HYDIN: variants seen among roughly 807,000 people sequenced by gnomAD.
The protein encoded by HYDIN is axonemal central pair apparatus protein HYDIN.
Under a neutral mutation model 403.9 loss-of-function variants are expected in HYDIN, and 132 were observed. The observed-to-expected ratio is 0.33, with a 90% CI of 0.28 to 0.38. HYDIN has a LOEUF of 0.38. HYDIN is among the 10% of genes least tolerant of loss of function. The pLI, the probability that HYDIN is intolerant of heterozygous loss-of-function variation, is 1.00. For missense variants in HYDIN, 2,827 were observed against 5,009.5 expected (o/e 0.56, Z 13.15); for synonymous variants, 1,202 against 1,891.7 (o/e 0.64, Z 9.46).
rs2037723676 is a variant in HYDIN, at chr16:70,840,232, A to G, written c.12875T>C (p.Ile4292Thr). The G allele has an allele frequency of 1.2e-6, 1 of 816,886 alleles. No homozygotes were observed. The highest frequency in any genetic ancestry group is 1.9e-6 in the Non-Finnish European group (1 of 523,032). The allele number at this position is 816,886 out of a possible 1,614,324, so 50.6% of individuals were successfully genotyped here. ...VLTDLELIIK[I>T]SHGPTFMCNI... ...GCACATAAATGTTGGACCATGGCTG[A>G]TCTGTGAGGAGGAAATGGCAGGGGG... is the stretch of plus-strand genomic sequence containing the variant. The change falls in exon 76 of 86, where the codon ATC becomes ACC. Residue 4292 changes from isoleucine to threonine, a missense_variant and splice_region_variant. Transcript: ENST00000393567.
At chr16:71,136,876 T>C (rs2084945099) in intron 8 of HYDIN, among the ~76,000 whole-genome samples, 1 of 144,698 alleles carries the variant, frequency 6.9e-6, no homozygotes, top group African/African-American at 2.6e-5. Flanking sequence ...TGAAGAATGA[T>C]AGGTTTTGTC....
chr16:71,096,383 A>G (rs938901452), intron 10 of HYDIN, among the ~76,000 whole-genome samples: 2 of 152,214 alleles, frequency 1.3e-5, no homozygotes, highest in African/African-American at 2.4e-5. Context: ...CACTTATTGA[A>G]TATGTGAATA....
At chr16:71,053,997 G>A (rs1226605096) in intron 18 of HYDIN, among the ~76,000 whole-genome samples, 1 of 152,208 alleles carries the variant, frequency 6.6e-6, no homozygotes, top group Non-Finnish European at 1.5e-5. Context: ...CTTTTATCAT[G>A]CAACCTTGGC....
intron 19 of HYDIN, among the ~76,000 whole-genome samples, chr16:71,031,194 C>T (rs1179643327): frequency 4.4e-5 from 5 of 114,606 alleles, no homozygotes. Flanking sequence ...AGCAAGACTC[C>T]ATCTCAAAAA....
intron 38 of HYDIN, among the ~76,000 whole-genome samples, chr16:70,960,697 T>C (rs2078385692): frequency 6.6e-6 from 1 of 152,244 alleles, no homozygotes; most frequent in Non-Finnish European, 1.5e-5. Context: ...CATTCTGTTT[T>C]TCTTTTTTTT....
At chr16:71,028,538 G>C (rs1413861716) in intron 19 of HYDIN, among the ~76,000 whole-genome samples, 1 of 151,202 alleles carries the variant, frequency 6.6e-6, no homozygotes, top group African/African-American at 2.4e-5. Flanking sequence ...TCTCGGATAT[G>C]GTTCAAATGT....
At chr16:70,950,591 C>CTA (rs1275610451) in intron 41 of HYDIN, among the ~76,000 whole-genome samples, 1 of 151,148 alleles carries the variant, frequency 6.6e-6, no homozygotes, top group African/African-American at 2.4e-5. Context: ...CCCACCTGCT[C>CTA]TATCCAATAC....
intron 10 of HYDIN, among the ~76,000 whole-genome samples, chr16:71,100,032 A>G (rs1216052864): frequency 6.6e-6 from 1 of 152,018 alleles, no homozygotes; most frequent in African/African-American, 2.4e-5. Flanking sequence ...AATAAACAAG[A>G]GAGTAAGATT....
At chr16:71,094,197 C>CAATATA (rs2083203444) in intron 10 of HYDIN, among the ~76,000 whole-genome samples, 1 of 151,914 alleles carries the variant, frequency 6.6e-6, no homozygotes. Context: ...AAAAGACATT[C>CAATATA]TTTACAATAT....
intron 1 of HYDIN, among the ~76,000 whole-genome samples, chr16:71,190,054 C>T (rs1441378540): frequency 1.3e-5 from 2 of 152,028 alleles, no homozygotes; most frequent in African/African-American, 4.8e-5. Flanking sequence ...CGATGATTTT[C>T]TCTTTTTAAA....
intron 36 of HYDIN, among the ~76,000 whole-genome samples, chr16:70,968,630 A>G (rs371338496): frequency 0.019 from 2,929 of 152,150 alleles, 24 homozygotes; most frequent in Middle Eastern, 0.075. Flanking sequence ...TCTGGCAGTA[A>G]GAAGGCAGTG....
At chr16:70,979,416 C>T (rs181935084) in intron 29 of HYDIN, among the ~76,000 whole-genome samples, 179 of 150,836 alleles carry the variant, frequency 1.2e-3, no homozygotes, top group South Asian at 4.1e-3. Context: ...GCTGGACAAA[C>T]CCAGACAGCC....
At chr16:70,957,097 G>A (rs1009615333) in intron 39 of HYDIN, among the ~76,000 whole-genome samples, 43 of 150,970 alleles carry the variant, frequency 2.8e-4, no homozygotes, top group Admixed American at 8.0e-4. Flanking sequence ...TCATCTTCCC[G>A]AACTGAAACT....
At chr16:70,870,937 G>C (rs904544795) in intron 65 of HYDIN, among the ~76,000 whole-genome samples, 1 of 151,740 alleles carries the variant, frequency 6.6e-6, no homozygotes, top group African/African-American at 2.4e-5. Context: ...GGGCTGAGGT[G>C]GGAGAATCAC....
chr16:71,047,872 T>A (rs920262736), intron 18 of HYDIN, among the ~76,000 whole-genome samples: 5 of 152,114 alleles, frequency 3.3e-5, no homozygotes, highest in Non-Finnish European at 7.4e-5. Context: ...TCTAGCTATT[T>A]GAAAATATAC....
chr16:71,193,768 T>C (rs1417084544), intron 1 of HYDIN, among the ~76,000 whole-genome samples: 1 of 152,214 alleles, frequency 6.6e-6, no homozygotes, highest in African/African-American at 2.4e-5. Flanking sequence ...ATGATCACCA[T>C]AATCATACCC....
intron 18 of HYDIN, among the ~76,000 whole-genome samples, chr16:71,056,841 T>G (rs1289268248): frequency 7.1e-6 from 1 of 140,994 alleles, no homozygotes; most frequent in East Asian, 2.0e-4. Context: ...TACGTCAAGT[T>G]GAAATTTTTC....
At chr16:70,976,048 G>A (rs544907090) in intron 30 of HYDIN, among the ~76,000 whole-genome samples, 436 of 148,268 alleles carry the variant, frequency 2.9e-3, no homozygotes, top group African/African-American at 0.01. Context: ...TAGCTTCCAT[G>A]GGGCCCTGCT....
chr16:70,905,780 C>A (rs1164143256), intron 50 of HYDIN, among the ~76,000 whole-genome samples: 1 of 151,984 alleles, frequency 6.6e-6, no homozygotes, highest in African/African-American at 2.4e-5. Flanking sequence ...TCCAATGCTG[C>A]CCCAAACATG....
Sources: allele counts gnomAD v4.1 joint callset (sites outside exome capture counted in the v4.1 genomes callset), GRCh38; gene constraint gnomAD v4.1.1; transcripts MANE v1.5; gene names NCBI Gene and HGNC (gene_info 2026-07-23, HGNC 2026-07-21).